Variants in SNAP25 observed in about 807,000 individuals in gnomAD.
SNAP25 encodes synaptosomal-associated protein 25.
A neutral mutation model predicts 28.7 loss-of-function variants in SNAP25; 3 were observed. That is an observed-to-expected ratio of 0.10 (90% CI 0.05 to 0.27). The LOEUF (loss-of-function observed/expected upper bound fraction) is 0.27. Ranked by LOEUF, SNAP25 falls within the 10% of genes least tolerant of loss-of-function variation. The pLI is 1.00. For missense variants in SNAP25, 117 were observed against 278.7 expected, an observed-to-expected ratio of 0.42 and a Z score of 4.13; for synonymous variants, 61 against 88.1, an observed-to-expected ratio of 0.69 and a Z score of 1.72.
At chr20:10,237,618 C>G (rs1251437248) in intron 1 of SNAP25, among the ~76,000 whole-genome samples, 1 of 152,174 alleles carries the variant, frequency 6.6e-6, no homozygotes, top group African/African-American at 2.4e-5. Context: ...ACCATTCATT[C>G]AATATCTGTG....
intron 7 of SNAP25, among the ~76,000 whole-genome samples, chr20:10,302,500 C>G (rs1414873896): frequency 6.6e-6 from 1 of 152,092 alleles, no homozygotes; most frequent in African/African-American, 2.4e-5. Flanking sequence ...CTAAAAGTCA[C>G]CTGGCATGGT....
intron 1 of SNAP25, among the ~76,000 whole-genome samples, chr20:10,246,355 G>T (rs1417337822): frequency 6.6e-6 from 1 of 152,158 alleles, no homozygotes; most frequent in East Asian, 1.9e-4. Context: ...GATAAAAGGG[G>T]GTTGGCCTAT....
chr20:10,277,580 C>A, intron 2 of SNAP25, 105 bp from the exon 3 acceptor site: 1 of 936,792 alleles, frequency 1.1e-6, no homozygotes, highest in Non-Finnish European at 1.6e-6. Flanking sequence ...GAATATGTGA[C>A]AGAGACCCTT....
rs11547857 is a variant in SNAP25 at position 10,275,481 on chromosome 20, C to G, written c.-11C>G. The G allele has an allele frequency of 6.3e-7, 1 of 1,599,102 alleles. No individual in the cohort carries two copies. Among genetic ancestry groups the G allele is most frequent in the Non-Finnish European group, 8.5e-7 (1 of 1,172,492 alleles). ...CCCAGCCCAGGCGCCCAGCCACTCC[C>G]CACCGCTACCATGGCCGAAGACGCA... On this transcript the variant is annotated 5_prime_UTR_variant, in exon 2 of 8. Transcript: ENST00000254976.
At chr20:10,227,179 T>G (rs1455334261) in intron 1 of SNAP25, among the ~76,000 whole-genome samples, 1 of 152,188 alleles carries the variant, frequency 6.6e-6, no homozygotes, top group East Asian at 1.9e-4. Flanking sequence ...CCCAAACTCC[T>G]ACTTCTAGAA....
At chr20:10,291,961 G>A (rs373960934) in intron 4 of SNAP25, among the ~76,000 whole-genome samples, 1 of 152,136 alleles carries the variant, frequency 6.6e-6, no homozygotes, top group Non-Finnish European at 1.5e-5. Flanking sequence ...AATCAAGTTG[G>A]TGTATGTAAC....
intron 3 of SNAP25, among the ~76,000 whole-genome samples, chr20:10,280,402 C>G (rs1452710594): frequency 1.3e-5 from 2 of 152,168 alleles, no homozygotes; most frequent in Non-Finnish European, 2.9e-5. Flanking sequence ...TAGGAACTCT[C>G]TTTTGGTGAA....
At chr20:10,281,250 C>G (rs116983887) in intron 3 of SNAP25, among the ~76,000 whole-genome samples, 2,909 of 152,250 alleles carry the variant, frequency 0.019, 37 homozygotes, top group Middle Eastern at 0.041. Flanking sequence ...CCTCACACTC[C>G]TAGCTACTAA....
intron 4 of SNAP25, among the ~76,000 whole-genome samples, chr20:10,288,740 T>A (rs2123094290): frequency 6.6e-6 from 1 of 152,138 alleles, no homozygotes; most frequent in East Asian, 1.9e-4. Context: ...AACACGCAAC[T>A]GTAAAACCCC....
At chr20:10,249,441 A>T (rs1428571837) in intron 1 of SNAP25, among the ~76,000 whole-genome samples, 1 of 152,206 alleles carries the variant, frequency 6.6e-6, no homozygotes. Flanking sequence ...GAAGCTATTG[A>T]CGGGAACCTG....
intron 1 of SNAP25, among the ~76,000 whole-genome samples, chr20:10,229,059 C>T (rs556877563): frequency 6.6e-6 from 1 of 152,138 alleles, no homozygotes; most frequent in South Asian, 2.1e-4. Flanking sequence ...TGAAGAGGCC[C>T]AGTTGTTATT....
At chr20:10,274,751 G>T (rs1268352694) in intron 1 of SNAP25, among the ~76,000 whole-genome samples, 1 of 152,140 alleles carries the variant, frequency 6.6e-6, no homozygotes, top group Non-Finnish European at 1.5e-5. Context: ...GCTGAGGCAG[G>T]AGAATGGCGT....
chr20:10,290,116 G>A (rs370903271), intron 4 of SNAP25, among the ~76,000 whole-genome samples: 4 of 152,234 alleles, frequency 2.6e-5, no homozygotes, highest in African/African-American at 9.6e-5. Context: ...AGATGCTGCT[G>A]TTCATCCCAG....
At chr20:10,305,865 T>A (rs913041696) in intron 7 of SNAP25, among the ~76,000 whole-genome samples, 9 of 151,598 alleles carry the variant, frequency 5.9e-5, no homozygotes, top group African/African-American at 2.2e-4. Flanking sequence ...TAGGGAAAAT[T>A]ATTAAAAATG....
At chr20:10,230,890 G>A (rs1399959858) in intron 1 of SNAP25, among the ~76,000 whole-genome samples, 1 of 152,152 alleles carries the variant, frequency 6.6e-6, no homozygotes, top group East Asian at 1.9e-4. Flanking sequence ...TTCACAGAGT[G>A]AGGACAAGTG....
At chr20:10,303,874 G>C (rs951996174) in intron 7 of SNAP25, among the ~76,000 whole-genome samples, 1 of 152,142 alleles carries the variant, frequency 6.6e-6, no homozygotes, top group Non-Finnish European at 1.5e-5. Context: ...AGAGATTAAA[G>C]CCAGCCAGTT....
chr20:10,219,199 G>A (rs2062574404), intron 1 of SNAP25: 1 of 152,278 alleles, frequency 6.6e-6, no homozygotes, highest in South Asian at 2.1e-4. Context: ...GGAGCGACGG[G>A]GAGGAAGAGC....
chr20:10,225,095 CA>C (rs779025644), intron 1 of SNAP25, among the ~76,000 whole-genome samples: 4 of 151,992 alleles, frequency 2.6e-5, no homozygotes, highest in Non-Finnish European at 5.9e-5. Flanking sequence ...AATGACATCA[CA>C]GGAAAGCTTT....
At chr20:10,235,666 T>A (rs1292723263) in intron 1 of SNAP25, among the ~76,000 whole-genome samples, 1 of 152,194 alleles carries the variant, frequency 6.6e-6, no homozygotes, top group Non-Finnish European at 1.5e-5. Flanking sequence ...TTTCTTATTG[T>A]GTATGTGTCT....
Sources: allele counts gnomAD v4.1 joint callset (sites outside exome capture counted in the v4.1 genomes callset), GRCh38; gene constraint gnomAD v4.1.1; transcripts MANE v1.5; gene names NCBI Gene and HGNC (gene_info 2026-07-23, HGNC 2026-07-21).